Variants in PRKCH observed in about 807,000 individuals in gnomAD.
PRKCH encodes the protein protein kinase C eta type.
In PRKCH, 28 loss-of-function variants were observed where a neutral mutation model predicts 82.5. That is an observed-to-expected ratio of 0.34 (90% CI 0.25 to 0.47). PRKCH has a LOEUF of 0.47. PRKCH is among the 20% of genes least tolerant of loss of function. The pLI is 1.00. For missense variants in PRKCH, 705 were observed against 881.8 expected, an observed-to-expected ratio of 0.80 and a Z score of 2.54; for synonymous variants, 322 against 327.4, an observed-to-expected ratio of 0.98 and a Z score of 0.18.
At chr14:61,313,998 CT>C (rs1336265320) in intron 1 of PRKCH, among the ~76,000 whole-genome samples, 1 of 152,022 alleles carries the variant, frequency 6.6e-6, no homozygotes, top group Non-Finnish European at 1.5e-5. Context: ...TTTAAAATTT[CT>C]TATAGAGACA....
intron 1 of PRKCH, among the ~76,000 whole-genome samples, chr14:61,352,888 A>G (rs2046101563): frequency 6.6e-6 from 1 of 152,214 alleles, no homozygotes; most frequent in African/African-American, 2.4e-5. Flanking sequence ...GTGTTTCTGA[A>G]TTCAGGATTT....
chr14:61,472,027 T>TA (rs1858017864), intron 9 of PRKCH, among the ~76,000 whole-genome samples: 1 of 152,224 alleles, frequency 6.6e-6, no homozygotes, highest in Admixed American at 6.5e-5. Context: ...GGGGGCTCAT[T>TA]ACAGCTGTTG....
At chr14:61,398,845 A>G (rs2046823259) in intron 2 of PRKCH, among the ~76,000 whole-genome samples, 2 of 152,228 alleles carry the variant, frequency 1.3e-5, no homozygotes, top group African/African-American at 4.8e-5. Flanking sequence ...CCAAAGTAAC[A>G]AGAGAGAGGC....
chr14:61,322,072 G>A lies in PRKCH; in HGVS notation c.-30G>A. 2 of 1,509,612 alleles carry A rather than the reference G, an allele frequency of 1.3e-6. No individual in the cohort carries two copies. Among genetic ancestry groups the A allele is most frequent in the Admixed American group, 2.1e-5 (1 of 47,298 alleles). 93.5% of individuals were successfully genotyped at this position (1,509,612 alleles called of 1,614,324 possible). ...GGTTCTCCCGCTGCGAAGCAGCGCG[G>A]CCCCCCGGGGCCGGGGCAGCGGCGC... On this transcript the variant is annotated 5_prime_UTR_variant, in exon 1 of 14. Transcript: ENST00000332981.
In PRKCH at chr14:61,280,136, C is replaced by G; in HGVS notation, c.-19+92468C>G. On this transcript the variant is annotated intron_variant, in intron 1 of 3. Coordinates refer to the PRKCH transcript ENST00000555185. This position sits in a 1 kb window ranked among gnomAD's most constrained non-coding sequence, Gnocchi z 5.0. ...TCCTGGTCCTGGTAGCGAATGTAGA[C>G]GACCAGCATGACAAAGCCGGTGAGG... 1 of 1,613,912 alleles carries G rather than the reference C, an allele frequency of 6.2e-7. No homozygotes were observed. The highest frequency in any genetic ancestry group is 2.2e-5 in the East Asian group (1 of 44,862).
intron 3 of PRKCH, among the ~76,000 whole-genome samples, chr14:61,445,320 C>T (rs892838448): frequency 2.0e-5 from 3 of 152,116 alleles, no homozygotes; most frequent in East Asian, 1.9e-4. Context: ...TATCTGTGTC[C>T]GTTTACTTCA....
At chr14:61,541,454 C>T (rs1044240784) in intron 12 of PRKCH, among the ~76,000 whole-genome samples, 1 of 152,222 alleles carries the variant, frequency 6.6e-6, no homozygotes, top group African/African-American at 2.4e-5. Context: ...CATTTAGGAT[C>T]ATCGCTCTGG....
chr14:61,469,214 G>A lies in PRKCH; in HGVS notation c.1278+11535G>A, dbSNP rs932091295. On this transcript the variant is annotated intron_variant, in intron 9 of 13. Coordinates refer to ENST00000332981, the MANE Select transcript of PRKCH (RefSeq NM_006255.5). ...GGCCTCCCAAAGTATTAGGATTACAGGCATGAGCCACCGTGCCTGGCTAGA... is the reference window on the plus strand; with the variant it reads ...GGCCTCCCAAAGTATTAGGATTACAAGCATGAGCCACCGTGCCTGGCTAGA... Among the ~76,000 whole-genome samples, 9 of 152,298 alleles carry A rather than the reference G, an allele frequency of 5.9e-5. No homozygotes were observed. In the East Asian group the frequency reaches 1.5e-3, roughly 26 times the overall value.
chr14:61,501,639 A>G (rs942895655), intron 10 of PRKCH, among the ~76,000 whole-genome samples: 5 of 152,152 alleles, frequency 3.3e-5, no homozygotes, highest in African/African-American at 1.2e-4. Context: ...AACTGAGCCA[A>G]CATTTGTCTG....
At chr14:61,304,328 A>G (rs1042758612) in intron 1 of PRKCH, 4 of 152,128 alleles carry the variant, frequency 2.6e-5, no homozygotes, top group African/African-American at 9.7e-5. Context: ...AAAAAATGAG[A>G]AGAAAAAAGT....
Position 61,391,293 on chromosome 14 carries a change from G to A in PRKCH, c.427+5G>A, listed in dbSNP as rs1270998349. 2 of 1,606,256 alleles carry A rather than the reference G, an allele frequency of 1.2e-6. No homozygotes were observed. The highest frequency in any genetic ancestry group is 4.5e-5 in the East Asian group (2 of 44,562). The stretch of plus-strand genomic sequence containing the variant: ...TTACCGGGAGTTTCACTGAAGGTAA[G>A]AATGAGTTTTGGGTAGTTTCCAGAA... On this transcript the variant is annotated splice_donor_5th_base_variant and intron_variant, in intron 2 of 13. Transcript: ENST00000332981.
intron 1 of PRKCH, among the ~76,000 whole-genome samples, chr14:61,310,352 G>A (rs747976971): frequency 3.3e-5 from 5 of 152,164 alleles, no homozygotes; most frequent in African/African-American, 9.7e-5. Context: ...ACAGGCATTC[G>A]GTAAGTACAC....
At chr14:61,486,273 C>A (rs1413175172) in intron 10 of PRKCH, among the ~76,000 whole-genome samples, 2 of 40,332 alleles carry the variant, frequency 5.0e-5, no homozygotes, top group African/African-American at 7.9e-5. Flanking sequence ...AAGGGTGTGG[C>A]TAACCTGCTC....
At chr14:61,476,882 A>G (rs1885752761) in intron 9 of PRKCH, among the ~76,000 whole-genome samples, 1 of 152,138 alleles carries the variant, frequency 6.6e-6, no homozygotes, top group South Asian at 2.1e-4. Context: ...AAATGCAGCC[A>G]TTAGACTCCT....
chr14:61,199,088 T>TC (rs755853175), intron 1 of PRKCH, among the ~76,000 whole-genome samples: 1 of 152,150 alleles, frequency 6.6e-6, no homozygotes, highest in Non-Finnish European at 1.5e-5. Flanking sequence ...AAGAAATGTG[T>TC]CTAACTCCAA....
intron 11 of PRKCH, among the ~76,000 whole-genome samples, chr14:61,529,931 A>C (rs2043024154): frequency 6.6e-6 from 1 of 150,870 alleles, no homozygotes; most frequent in Admixed American, 6.6e-5. Flanking sequence ...TATATATGTA[A>C]ACTTTGCAGT....
chr14:61,196,729 A>G lies in PRKCH; in HGVS notation c.-19+9061A>G, dbSNP rs528558250. On this transcript the variant is annotated intron_variant, in intron 1 of 3. Coordinates refer to the PRKCH transcript ENST00000555185. The stretch of plus-strand genomic sequence containing the variant: ...TACACGTTAAGAACACAGATAAACT[A>G]TGTTATAGTTACACAGAACAACAGA... Among the ~76,000 whole-genome samples, 347 of 152,296 alleles carry G rather than the reference A, an allele frequency of 2.3e-3. 3 individuals are homozygous for G. Among genetic ancestry groups the G allele is most frequent in the African/African-American group, 7.8e-3 (325 of 41,554 alleles).
At chr14:61,286,811 G>A (rs2045320125) in intron 1 of PRKCH, among the ~76,000 whole-genome samples, 1 of 152,272 alleles carries the variant, frequency 6.6e-6, no homozygotes, top group Non-Finnish European at 1.5e-5. Flanking sequence ...GCACAGTTGG[G>A]TGGGTTGAGT....
intron 9 of PRKCH, among the ~76,000 whole-genome samples, chr14:61,461,707 G>T (rs1323064979): frequency 4.6e-5 from 7 of 152,174 alleles, no homozygotes. Context: ...TATAAGCAAA[G>T]ATCTCATCAA....
Sources: allele counts gnomAD v4.1 joint callset (sites outside exome capture counted in the v4.1 genomes callset), GRCh38; gene constraint gnomAD v4.1.1; non-coding constraint Gnocchi (gnomAD v3.1); transcripts MANE v1.5; gene names NCBI Gene and HGNC (gene_info 2026-07-23, HGNC 2026-07-21).